Variants in PINK1 observed in about 807,000 individuals in gnomAD.
PINK1 encodes PTEN induced kinase 1, also known as serine/threonine-protein kinase PINK1, mitochondrial.
Under a neutral mutation model 56.0 loss-of-function variants are expected in PINK1, and 58 were observed. That is an observed-to-expected ratio of 1.04 (90% CI 0.84 to 1.29). PINK1 has a LOEUF of 1.29. Ranked by LOEUF, PINK1 falls within the 50% of genes most tolerant of loss-of-function variation. The pLI is 0.00. For missense variants in PINK1, 745 were observed against 777.9 expected, an observed-to-expected ratio of 0.96 and a Z score of 0.50; for synonymous variants, 354 against 339.3, an observed-to-expected ratio of 1.04 and a Z score of -0.48.
At chr1:20,636,350 C>CTT (rs915401985) in intron 1 of PINK1, among the ~76,000 whole-genome samples, 2 of 144,210 alleles carry the variant, frequency 1.4e-5, no homozygotes, top group South Asian at 2.2e-4. Context: ...TTGGATTTTC[C>CTT]TTTTTTTTTT....
rs779256340 is a variant in PINK1, at chr1:20,638,021, G to C, written c.567G>C (p.Gly189=). ...PQNLEVTKST[G]LLPGRGPGTS... ...ACCTGGAGGTGACAAAGAGCACCGG[G>C]TTGCTTCCAGGGAGAGGCCCAGGTA... is the stretch of plus-strand genomic sequence containing the variant. Residue 189 remains glycine, a synonymous_variant, in exon 2 of 8, where the codon GGG becomes GGC. Coordinates refer to ENST00000321556, the MANE Select transcript of PINK1 (RefSeq NM_032409.3). The C allele has an allele frequency of 1.2e-6, 2 of 1,614,192 alleles. No homozygotes were observed. The highest frequency in any genetic ancestry group is 1.3e-5 in the African/African-American group (1 of 75,042).
chr1:20,636,368 G>A (rs3738131), intron 1 of PINK1, among the ~76,000 whole-genome samples: 2,634 of 148,666 alleles, frequency 0.018, 74 homozygotes, highest in African/African-American at 0.05. Context: ...TTTTTGATAC[G>A]GAGTCTCACA....
At position 20,637,930 on chromosome 1, in the gene PINK1, G is replaced by C; in HGVS notation, c.476G>C (p.Gly159Ala). The C allele has an allele frequency of 6.2e-7, 1 of 1,614,140 alleles. No homozygotes were observed. Among genetic ancestry groups the C allele is most frequent in the East Asian group, 2.2e-5 (1 of 44,874 alleles). ...QGFRLEEYLI[G>A]QSIGKGCSAA... Reference sequence around the variant, plus strand: ...TTTCGGCTGGAGGAGTATCTGATAGGGCAGTCCATTGGTAAGGGCTGCAGT... The same window carrying C: ...TTTCGGCTGGAGGAGTATCTGATAGCGCAGTCCATTGGTAAGGGCTGCAGT... Residue 159 changes from glycine (G) to alanine (A), a missense_variant, in exon 2 of 8, where the codon GGG becomes GCG. Transcript: ENST00000321556.
In PINK1 at chr1:20,650,824, G is replaced by C. The variant is rs1172279068; in HGVS notation, c.*133G>C. The C allele has an allele frequency of 4.1e-6, 5 of 1,234,020 alleles. No individual in the cohort carries two copies. The Admixed American group carries it at 1.0e-4, about 25-fold the overall frequency. 76.4% of individuals were successfully genotyped at this position (1,234,020 alleles called of 1,614,324 possible). A position where few individuals can be genotyped will look rare whatever the true frequency, so the allele number is the denominator to read the frequency against. ...GGGCTGGTTAGCCGGAAAAGGCCTC[G>C]GGCTTGGCAAATGGAAGAACTTGAG... is the stretch of plus-strand genomic sequence containing the variant. On this transcript the variant is annotated 3_prime_UTR_variant, in exon 8 of 8. Coordinates refer to ENST00000321556, the MANE Select transcript of PINK1 (RefSeq NM_032409.3).
intron 2 of PINK1, 95 bp from the exon 3 acceptor site, chr1:20,639,797 G>T: frequency 8.8e-7 from 1 of 1,137,214 alleles, no homozygotes; most frequent in Non-Finnish European, 1.3e-6. Context: ...ATTCTAGGCA[G>T]TAGCTGCCCT....
intron 1 of PINK1, among the ~76,000 whole-genome samples, chr1:20,635,698 A>C (rs926538971): frequency 1.3e-5 from 2 of 150,432 alleles, no homozygotes; most frequent in African/African-American, 2.5e-5. Context: ...AATACAAAAA[A>C]ATTAGCCAGG....
intron 3 of PINK1, among the ~76,000 whole-genome samples, chr1:20,643,469 T>C (rs907697008): frequency 6.6e-6 from 1 of 152,240 alleles, no homozygotes; most frequent in African/African-American, 2.4e-5. Flanking sequence ...CTATGCCAAC[T>C]ACTGTACTAG....
intron 1 of PINK1, among the ~76,000 whole-genome samples, chr1:20,636,287 T>TTA (rs966084471): frequency 1.3e-5 from 2 of 150,980 alleles, no homozygotes; most frequent in African/African-American, 4.9e-5. Flanking sequence ...ATAGTATATT[T>TTA]TATATATATA....
rs2053264618 is a variant in PINK1 at position 20,650,958 on chromosome 1, G to C, written c.*267G>C. 2.0e-6 allele frequency: 1 copy of C among 508,486 alleles called. No homozygotes were observed. The highest frequency in any genetic ancestry group is 2.0e-5 in the South Asian group (1 of 48,914). The allele number at this position is 508,486 out of a possible 1,614,324, so 31.5% of individuals were successfully genotyped here. On this transcript the variant is annotated 3_prime_UTR_variant, in exon 8 of 8. Coordinates refer to ENST00000321556, the MANE Select transcript of PINK1 (RefSeq NM_032409.3). ...GGAGGGGTAGGCCTGCATCCACAGA[G>C]AGGATCCAGGCCAAGGCACTGGCTG...
Position 20,639,906 on chromosome 1 carries a change from C to T in PINK1, c.690C>T (p.Ser230=), listed in dbSNP as rs367947092. ...GGGTGTTCCAGGCAGGTTCCTCCAG[C>T]GAAGCCATCTTGAACACAATGAGCC... ...MMWNISAGSS[S]EAILNTMSQE... is the part of the protein sequence containing the mutation. Residue 230 remains serine (S), a synonymous_variant, in exon 3 of 8, where the codon AGC becomes AGT. Transcript: ENST00000321556. The T allele has an allele frequency of 1.3e-5, 21 of 1,612,644 alleles. No individual in the cohort carries two copies. Among genetic ancestry groups the T allele is most frequent in the East Asian group, 2.2e-5 (1 of 44,846 alleles).
At position 20,641,742 on chromosome 1, in the gene PINK1, C is replaced by T. The variant is rs976999468; in HGVS notation, c.776+1750C>T. On this transcript the variant is annotated intron_variant, in intron 3 of 7. Coordinates refer to ENST00000321556, the MANE Select transcript of PINK1 (RefSeq NM_032409.3). The surrounding 1 kb of genome is among the most constrained non-coding windows in gnomAD (Gnocchi z 4.0). ...TCTCACCACGTCTCCCGCCTTATCT[C>T]TCACCCTTCTCATCAGCACCCTACA... Among the ~76,000 whole-genome samples the T allele has an allele frequency of 2.0e-5, 3 of 152,076 alleles. No individual in the cohort carries two copies. Among genetic ancestry groups the T allele is most frequent in the Admixed American group, 2.0e-4 (3 of 15,262 alleles).
chr1:20,650,708 T>C lies in PINK1; in HGVS notation c.*17T>C. 1.2e-6 allele frequency: 2 copies of C among 1,611,718 alleles called. No individual in the cohort carries two copies. Among genetic ancestry groups the C allele is most frequent in the South Asian group, 1.1e-5 (1 of 90,852 alleles). On this transcript the variant is annotated 3_prime_UTR_variant, in exon 8 of 8. Coordinates refer to ENST00000321556, the MANE Select transcript of PINK1 (RefSeq NM_032409.3). ...GCCCTGTGATGTCCCTGCATGGAGC[T>C]GGTGAATTACTAAAAGAACATGGCA...
At chr1:20,647,223 A>T (rs1181872451) in intron 5 of PINK1, among the ~76,000 whole-genome samples, 1 of 150,810 alleles carries the variant, frequency 6.6e-6, no homozygotes, top group African/African-American at 2.4e-5. Context: ...CGCCCGGCTA[A>T]TTTTTTTGTA....
intron 7 of PINK1, chr1:20,649,783 AAAAG>A (rs2053242092): frequency 6.2e-6 from 1 of 162,400 alleles, no homozygotes; most frequent in African/African-American, 2.4e-5. Context: ...AAAAAAAAAA[AAAAG>A]GCTATTCAGA....
intron 3 of PINK1, 37 bp downstream of exon 3, chr1:20,640,029 C>T (rs781343054): frequency 3.3e-6 from 5 of 1,531,032 alleles, no homozygotes; most frequent in Non-Finnish European, 4.4e-6. Context: ...ACTGGGACTT[C>T]TTTGAGAGCA....
intron 1 of PINK1, among the ~76,000 whole-genome samples, chr1:20,637,095 G>A (rs901673947): frequency 6.6e-6 from 1 of 152,218 alleles, no homozygotes; most frequent in Non-Finnish European, 1.5e-5. Flanking sequence ...AGCTGTGCCT[G>A]GCACCCAGGG....
Position 20,638,025 on chromosome 1 carries a change from C to T in PINK1, c.571C>T (p.Leu191Phe). Residue 191 changes from leucine to phenylalanine, a missense_variant, in exon 2 of 8, where the codon CTT becomes TTT. Coordinates refer to ENST00000321556, the MANE Select transcript of PINK1 (RefSeq NM_032409.3). The part of the protein sequence containing the change: ...NLEVTKSTGL[L>F]PGRGPGTSAP... ...GGAGGTGACAAAGAGCACCGGGTTG[C>T]TTCCAGGGAGAGGCCCAGGTACCAG... The T allele has an allele frequency of 1.2e-6, 2 of 1,614,184 alleles. No homozygotes were observed. Among genetic ancestry groups the T allele is most frequent in the Non-Finnish European group, 1.7e-6 (2 of 1,180,034 alleles).
In PINK1 at chr1:20,644,511, G is replaced by T. The variant is rs1024670343; in HGVS notation, c.798G>T (p.Lys266Asn). 6.2e-7 allele frequency: 1 copy of T among 1,614,212 alleles called. No homozygotes were observed. Among genetic ancestry groups the T allele is most frequent in the African/African-American group, 1.3e-5 (1 of 75,048 alleles). The change falls in exon 4 of 8, where the codon AAG becomes AAT. Residue 266 changes from lysine (K) to asparagine (N), a missense_variant. By Grantham distance (94) the Lys-to-Asn change is moderately conservative. Transcript: ENST00000321556. ...VTYRKSKRGP[K>N]QLAPHPNIIR... ...CTAGAAAATCCAAGAGAGGTCCCAA[G>T]CAACTAGCCCCTCACCCCAACATCA...
intron 5 of PINK1, 193 bp from the exon 6 acceptor site, chr1:20,648,312 T>TA (rs1241244272): frequency 1.4e-6 from 1 of 710,640 alleles, no homozygotes; most frequent in Admixed American, 2.2e-5. Flanking sequence ...AGCCTGTACT[T>TA]ACTGGAGGCA....
Sources: allele counts gnomAD v4.1 joint callset (sites outside exome capture counted in the v4.1 genomes callset), GRCh38; gene constraint gnomAD v4.1.1; non-coding constraint Gnocchi (gnomAD v3.1); transcripts MANE v1.5; gene names NCBI Gene and HGNC (gene_info 2026-07-23, HGNC 2026-07-21).